The following LINGO3 variants were observed in gnomAD, a reference collection of about 807,000 sequenced individuals.
LINGO3 encodes leucine rich repeat and Ig domain containing 3.
For missense variants in LINGO3, 750 were observed against 867.7 expected, an observed-to-expected ratio of 0.86 and a Z score of 1.70; for synonymous variants, 427 against 444.2, an observed-to-expected ratio of 0.96 and a Z score of 0.49.
chr19:2,293,980 G>A (rs894727747), upstream of LINGO3, among the ~76,000 whole-genome samples: 1 of 151,984 alleles, frequency 6.6e-6, no homozygotes, highest in Non-Finnish European at 1.5e-5. Flanking sequence ...GATCCCAGGA[G>A]TTGAGGCTTC....
At chr19:2,303,553 C>T in the LINGO3 span, among the ~76,000 whole-genome samples, 1 of 152,110 alleles carries the variant, frequency 6.6e-6, no homozygotes, top group Non-Finnish European at 1.5e-5. Context: ...GGCACTGAAC[C>T]CCCAGGGAGG....
downstream of LINGO3, among the ~76,000 whole-genome samples, chr19:2,287,804 C>T (rs2082817176): frequency 6.6e-6 from 1 of 152,222 alleles, no homozygotes; most frequent in Non-Finnish European, 1.5e-5. The surrounding 1 kb of genome is among the most constrained non-coding windows in gnomAD (Gnocchi z 4.5). Flanking sequence ...GGTCTTCAGT[C>T]ACCAGCTGAG....
chr19:2,289,725 C>T (rs1202538721), downstream of LINGO3: 1 of 322,124 alleles, frequency 3.1e-6, no homozygotes, highest in Admixed American at 5.0e-5. Flanking sequence ...GCCCATCCCC[C>T]CATCCTTGCA....
chr19:2,291,895 C>T, exon 1 of LINGO3: 3 of 862,210 alleles, frequency 3.5e-6, no homozygotes, highest in Non-Finnish European at 5.4e-6. Context: ...CGCCAGCCCG[C>T]CCCTAACCCG....
the LINGO3 span, among the ~76,000 whole-genome samples, chr19:2,305,624 C>T: frequency 7.2e-5 from 11 of 152,208 alleles, no homozygotes; most frequent in Non-Finnish European, 1.6e-4. Context: ...ATGCTGACAT[C>T]TCCCTTGGGA....
chr19:2,290,924 C>A lies in LINGO3; in HGVS notation c.853G>T (p.Val285Leu). ...AGGTCCCGGAACGACCCCCGCGGCA[C>A]CGTGCTGATGGGGTTGTGCGACAGA... Residue 285 changes from valine (V) to leucine (L), a missense_variant, in exon 1 of 1, where the codon GTG becomes TTG. Physicochemically the swap from Val to Leu is conservative, Grantham distance 32. Transcript: ENST00000585527. The surrounding 1 kb of genome is among the most constrained non-coding windows in gnomAD (Gnocchi z 6.0). 1 of 1,611,794 alleles carries A rather than the reference C, an allele frequency of 6.2e-7. No homozygotes were observed. Among genetic ancestry groups the A allele is most frequent in the Non-Finnish European group, 8.5e-7 (1 of 1,179,430 alleles).
At position 2,290,897 on chromosome 19, in the gene LINGO3, C is replaced by A; in HGVS notation, c.880G>T (p.Val294Phe). ...GCCAGGTGCAGCTCGCGCAGGCGGA[C>A]CAGGTCCCGGAACGACCCCCGCGGC... The change falls in exon 1 of 1, where the codon GTC (valine) becomes TTC (phenylalanine). Residue 294 changes from valine (V) to phenylalanine (F), a missense_variant. By Grantham distance (50) the Val-to-Phe change is conservative. Transcript: ENST00000585527. The surrounding 1 kb of genome is among the most constrained non-coding windows in gnomAD (Gnocchi z 6.0). The A allele has an allele frequency of 6.2e-7, 1 of 1,611,220 alleles. No individual in the cohort carries two copies. Among genetic ancestry groups the A allele is most frequent in the African/African-American group, 1.3e-5 (1 of 74,968 alleles).
chr19:2,306,356 G>A, the LINGO3 span, among the ~76,000 whole-genome samples: 7 of 152,198 alleles, frequency 4.6e-5, no homozygotes, highest in South Asian at 2.1e-4. Context: ...GGTGGTGGGC[G>A]GCTTGATGGG....
At chr19:2,306,575 C>T in the LINGO3 span, among the ~76,000 whole-genome samples, 2 of 152,330 alleles carry the variant, frequency 1.3e-5, no homozygotes, top group African/African-American at 4.8e-5. Context: ...GGGCTGCTGC[C>T]GTAACCATCG....
upstream of LINGO3, among the ~76,000 whole-genome samples, chr19:2,293,061 G>GTTTC (rs71176536): frequency 5.5e-3 from 838 of 151,032 alleles, 7 homozygotes; most frequent in East Asian, 0.019. Flanking sequence ...GTATGACCCC[G>GTTTC]TTTCTTTCTT....
the LINGO3 span, among the ~76,000 whole-genome samples, chr19:2,301,239 G>A: frequency 6.6e-6 from 1 of 152,070 alleles, no homozygotes; most frequent in Admixed American, 6.5e-5. Context: ...TGTCTGGTGT[G>A]AGCAGGGGAC....
At chr19:2,294,082 C>T (rs1055872294), upstream of LINGO3, among the ~76,000 whole-genome samples, 15 of 152,152 alleles carry the variant, frequency 9.9e-5, no homozygotes, top group African/African-American at 3.4e-4. This position sits in a 1 kb window ranked among gnomAD's most constrained non-coding sequence, Gnocchi z 4.3. Context: ...CACGTCCTGC[C>T]CTCCGTGCCT....
chr19:2,308,138 G>GAGT, the LINGO3 span, among the ~76,000 whole-genome samples: 2 of 114,958 alleles, frequency 1.7e-5, no homozygotes, highest in Middle Eastern at 4.4e-3. Context: ...GAGCCGACAC[G>GAGT]AGCAGCCGCC....
rs1420047814 is a variant in LINGO3 at position 2,290,624 on chromosome 19, C to T, written c.1153G>A (p.Val385Met). Residue 385 changes from valine (V) to methionine (M), a missense_variant, in exon 1 of 1, where the codon GTG (valine) becomes ATG (methionine). Transcript: ENST00000585527. This position sits in a 1 kb window ranked among gnomAD's most constrained non-coding sequence, Gnocchi z 6.0. ...AGGTTTCGCAGCGCGTCGCCGCGCA[C>T]CTCGGCCGGGGTGGCGCAGGCCGGC... 1 of 1,595,482 alleles carries T rather than the reference C, an allele frequency of 6.3e-7. No individual in the cohort carries two copies. Among genetic ancestry groups the T allele is most frequent in the South Asian group, 1.1e-5 (1 of 89,490 alleles).
At chr19:2,293,778 C>T (rs970866551), upstream of LINGO3, among the ~76,000 whole-genome samples, 5 of 149,658 alleles carry the variant, frequency 3.3e-5, no homozygotes, top group African/African-American at 7.3e-5. Context: ...CAAGGCCGGG[C>T]GCGGTGGCTC....
chr19:2,294,101 C>T (rs191613777), upstream of LINGO3, among the ~76,000 whole-genome samples: 117 of 152,234 alleles, frequency 7.7e-4, 1 homozygote, highest in African/African-American at 2.4e-3. The surrounding 1 kb of genome is among the most constrained non-coding windows in gnomAD (Gnocchi z 4.3). Context: ...CTGCTGTGCA[C>T]GGGACCTCAT....
At chr19:2,303,484 G>A in the LINGO3 span, among the ~76,000 whole-genome samples, 1 of 152,080 alleles carries the variant, frequency 6.6e-6, no homozygotes, top group Admixed American at 6.6e-5. Flanking sequence ...AGGCTGGCCG[G>A]GGGTGTGTCT....
the LINGO3 span, among the ~76,000 whole-genome samples, chr19:2,307,285 G>C: frequency 3.3e-5 from 5 of 152,222 alleles, no homozygotes; most frequent in Non-Finnish European, 7.4e-5. Flanking sequence ...AGAACTGGGG[G>C]GGCCGGGACA....
Position 2,290,201 on chromosome 19 carries a change from T to C in LINGO3, c.1576A>G (p.Thr526Ala). ...CCCATGGCGGTGGACACCAGGATGG[T>C]GGTGAGGTCGAGCGGCGCGCGCAGG... Residue 526 changes from threonine (T) to alanine (A), a missense_variant, in exon 1 of 1, where the codon ACC (threonine) becomes GCC (alanine). Physicochemically the swap from Thr to Ala is moderately conservative, Grantham distance 58. Transcript: ENST00000585527. The surrounding 1 kb of genome is among the most constrained non-coding windows in gnomAD (Gnocchi z 6.0). The C allele has an allele frequency of 6.2e-7, 1 of 1,609,746 alleles. No homozygotes were observed. The highest frequency in any genetic ancestry group is 8.5e-7 in the Non-Finnish European group (1 of 1,178,720).
Sources: allele counts gnomAD v4.1 joint callset (sites outside exome capture counted in the v4.1 genomes callset), GRCh38; gene constraint gnomAD v4.1.1; non-coding constraint Gnocchi (gnomAD v3.1); transcripts MANE v1.5; gene names NCBI Gene and HGNC (gene_info 2026-07-23, HGNC 2026-07-21).